Variants in SLC49A4 observed in about 807,000 individuals in gnomAD.
SLC49A4 encodes the protein solute carrier family 49 member 4, also known as disrupted in renal cancer protein 2.
SLC49A4 carries 36 observed loss-of-function variants against 50.6 expected under a neutral mutation model. The observed-to-expected ratio is 0.71, with a 90% CI of 0.55 to 0.94. The LOEUF (loss-of-function observed/expected upper bound fraction) is 0.94, where lower values mean the gene tolerates loss of function less well. Ranked by LOEUF, SLC49A4 falls within the 40% of genes least tolerant of loss-of-function variation. SLC49A4 has a pLI of 0.00. For synonymous variants in SLC49A4, 248 were observed against 241.2 expected (o/e 1.03, Z -0.26); for missense variants, 503 against 605.7 (o/e 0.83, Z 1.78).
rs372704958 is a variant in SLC49A4, at chr3:122,866,345, T to C, written c.1139-6070T>C. The stretch of plus-strand genomic sequence containing the variant: ...ATGTGAGCCCCATGCCTGGCAAGAT[T>C]TTTGTTTTTAATATCCTGGTTAAGT... On this transcript the variant is annotated intron_variant, in intron 7 of 8. Coordinates refer to ENST00000261038, the MANE Select transcript of SLC49A4 (RefSeq NM_032839.3). Among the ~76,000 whole-genome samples, 7 of 152,074 alleles carry C rather than the reference T, an allele frequency of 4.6e-5. No individual in the cohort carries two copies. The East Asian group carries it at 9.6e-4, about 21-fold the overall frequency.
intron 7 of SLC49A4, among the ~76,000 whole-genome samples, chr3:122,863,380 G>A (rs1187250510): frequency 1.3e-5 from 2 of 152,186 alleles, no homozygotes; most frequent in Non-Finnish European, 1.5e-5. Flanking sequence ...AATGAATGAA[G>A]TATATGTTAT....
At chr3:122,842,542 G>A (rs1359189544) in intron 4 of SLC49A4, among the ~76,000 whole-genome samples, 1 of 148,798 alleles carries the variant, frequency 6.7e-6, no homozygotes, top group Non-Finnish European at 1.5e-5. Flanking sequence ...CAATAGAGAA[G>A]GGTAGACAGG....
chr3:122,866,095 G>A (rs928427576), intron 7 of SLC49A4, among the ~76,000 whole-genome samples: 2 of 151,622 alleles, frequency 1.3e-5, no homozygotes, highest in Non-Finnish European at 2.9e-5. Flanking sequence ...ACACTGGTGC[G>A]ACCTTGGCTC....
intron 2 of SLC49A4, among the ~76,000 whole-genome samples, chr3:122,811,253 A>G (rs529576425): frequency 7.2e-5 from 11 of 152,238 alleles, no homozygotes; most frequent in Admixed American, 2.0e-4. Context: ...TGAGCAAGCA[A>G]TTACAGAAGT....
At chr3:122,832,303 CA>C (rs1460308113) in intron 3 of SLC49A4, among the ~76,000 whole-genome samples, 1 of 152,146 alleles carries the variant, frequency 6.6e-6, no homozygotes, top group Admixed American at 6.5e-5. Context: ...ACACAGTTAT[CA>C]AAAGCTGGAA....
At chr3:122,802,917 G>C (rs1936154577) in intron 1 of SLC49A4, among the ~76,000 whole-genome samples, 1 of 152,192 alleles carries the variant, frequency 6.6e-6, no homozygotes, top group African/African-American at 2.4e-5. Flanking sequence ...GTATCGGTGA[G>C]CTGTGGGACA....
At chr3:122,822,482 T>A (rs2107563550) in intron 2 of SLC49A4, among the ~76,000 whole-genome samples, 1 of 152,334 alleles carries the variant, frequency 6.6e-6, no homozygotes, top group Middle Eastern at 3.4e-3. Flanking sequence ...TAGATTTCGA[T>A]TTCCTCATGA....
At chr3:122,873,612 G>C (rs1249215020) in intron 8 of SLC49A4, among the ~76,000 whole-genome samples, 3 of 152,126 alleles carry the variant, frequency 2.0e-5, no homozygotes, top group Non-Finnish European at 4.4e-5. Context: ...CAGTACATTA[G>C]ATTGTTTCTG....
intron 2 of SLC49A4, among the ~76,000 whole-genome samples, chr3:122,809,000 A>T (rs1409208718): frequency 6.6e-6 from 1 of 152,114 alleles, no homozygotes; most frequent in Non-Finnish European, 1.5e-5. Flanking sequence ...TGAGAAAAAG[A>T]GATGGGAGGT....
chr3:122,842,691 C>A (rs866199634), intron 4 of SLC49A4, among the ~76,000 whole-genome samples: 1 of 152,064 alleles, frequency 6.6e-6, no homozygotes, highest in Non-Finnish European at 1.5e-5. Context: ...AAAATTGTCC[C>A]CCCAACCCCT....
At chr3:122,805,555 C>A (rs1380954720) in intron 1 of SLC49A4, among the ~76,000 whole-genome samples, 3 of 152,158 alleles carry the variant, frequency 2.0e-5, no homozygotes, top group Non-Finnish European at 4.4e-5. Flanking sequence ...TATGTCTATT[C>A]TCTGTGTGAA....
intron 4 of SLC49A4, among the ~76,000 whole-genome samples, chr3:122,843,289 G>A (rs1238152507): frequency 6.6e-6 from 1 of 151,476 alleles, no homozygotes; most frequent in Admixed American, 6.6e-5. Flanking sequence ...CCCATAAGTC[G>A]GTATCAACAA....
chr3:122,856,504 T>G, intron 6 of SLC49A4, 130 bp downstream of exon 6: 1 of 821,938 alleles, frequency 1.2e-6, no homozygotes, highest in Non-Finnish European at 2.0e-6. Flanking sequence ...AAGGGGTACT[T>G]GTTCAGAGTA....
intron 6 of SLC49A4, among the ~76,000 whole-genome samples, chr3:122,856,836 C>CAAA (rs11375250): frequency 1.4e-5 from 1 of 71,096 alleles, no homozygotes. Context: ...GACTCCATCT[C>CAAA]AAAAAAAAAA....
intron 2 of SLC49A4, among the ~76,000 whole-genome samples, chr3:122,809,781 C>G (rs977697339): frequency 6.6e-6 from 1 of 152,076 alleles, no homozygotes; most frequent in African/African-American, 2.4e-5. Flanking sequence ...ATAAAAAGTT[C>G]AGAGATTGAA....
intron 5 of SLC49A4, among the ~76,000 whole-genome samples, chr3:122,854,609 A>G (rs1183542049): frequency 1.3e-5 from 2 of 152,230 alleles, no homozygotes; most frequent in Admixed American, 1.3e-4. Flanking sequence ...TGGAGGAGGC[A>G]TACACCTTCT....
At chr3:122,874,676 G>A (rs1267468782) in intron 8 of SLC49A4, among the ~76,000 whole-genome samples, 3 of 152,208 alleles carry the variant, frequency 2.0e-5, no homozygotes, top group Non-Finnish European at 4.4e-5. Context: ...TGACAATGAG[G>A]TTTGGGACAT....
chr3:122,875,493 A>G (rs1014456379), intron 8 of SLC49A4, among the ~76,000 whole-genome samples: 2 of 152,006 alleles, frequency 1.3e-5, no homozygotes, highest in African/African-American at 4.8e-5. Context: ...TGGGACCACA[A>G]GCATGTGCCA....
chr3:122,840,888 T>TAG (rs1936761218), intron 4 of SLC49A4, among the ~76,000 whole-genome samples: 1 of 152,230 alleles, frequency 6.6e-6, no homozygotes, highest in African/African-American at 2.4e-5. Flanking sequence ...TTACATTCTA[T>TAG]AGGCCATTGT....
Sources: allele counts gnomAD v4.1 joint callset (sites outside exome capture counted in the v4.1 genomes callset), GRCh38; gene constraint gnomAD v4.1.1; transcripts MANE v1.5; gene names NCBI Gene and HGNC (gene_info 2026-07-23, HGNC 2026-07-21).